The following EXOC4 variants were observed in gnomAD, a reference collection of about 807,000 sequenced individuals.
The protein encoded by EXOC4 is SEC8-like 1.
A neutral mutation model predicts 107.2 loss-of-function variants in EXOC4; 71 were observed. That is an observed-to-expected ratio of 0.66 (90% CI 0.55 to 0.81). EXOC4 has a LOEUF of 0.81. EXOC4 is among the 30% of genes least tolerant of loss of function. The pLI is 0.00. For synonymous variants in EXOC4, 456 were observed against 441.2 expected, an observed-to-expected ratio of 1.03 and a Z score of -0.42; for missense variants, 1,108 against 1,189.6, an observed-to-expected ratio of 0.93 and a Z score of 1.01.
At chr7:133,369,140 G>C (rs1268538953) in intron 6 of EXOC4, among the ~76,000 whole-genome samples, 1 of 152,230 alleles carries the variant, frequency 6.6e-6, no homozygotes, top group African/African-American at 2.4e-5. Flanking sequence ...TGGGCAGTCA[G>C]AGAGTGTATA....
chr7:134,058,704 A>G (rs1479870714), intron 17 of EXOC4, among the ~76,000 whole-genome samples: 1 of 152,178 alleles, frequency 6.6e-6, no homozygotes, highest in Non-Finnish European at 1.5e-5. Context: ...TTTAATTCAT[A>G]TTTGTGTACT....
At chr7:133,480,962 A>C (rs1270642129) in intron 9 of EXOC4, 1 of 150,278 alleles carries the variant, frequency 6.7e-6, no homozygotes, top group African/African-American at 2.4e-5. Flanking sequence ...CTGAGGTGAG[A>C]TTGCTTGAGC....
chr7:133,341,490 A>G (rs1188633352), intron 5 of EXOC4, among the ~76,000 whole-genome samples: 1 of 152,216 alleles, frequency 6.6e-6, no homozygotes, highest in Non-Finnish European at 1.5e-5. Context: ...GTACCAGTGA[A>G]TAGAATGTAT....
intron 11 of EXOC4, among the ~76,000 whole-genome samples, chr7:133,824,339 C>T (rs781758198): frequency 9.2e-5 from 14 of 151,968 alleles, no homozygotes; most frequent in Admixed American, 1.3e-4. Flanking sequence ...CCCTCTCTGC[C>T]CACATTTTCA....
chr7:134,039,223 G>A (rs1242465105), intron 17 of EXOC4, among the ~76,000 whole-genome samples: 2 of 152,166 alleles, frequency 1.3e-5, no homozygotes, highest in Non-Finnish European at 2.9e-5. Context: ...TACGTAAGGA[G>A]TATAGGAGTA....
chr7:133,344,704 A>AT (rs1795745579), intron 5 of EXOC4, among the ~76,000 whole-genome samples: 1 of 152,204 alleles, frequency 6.6e-6, no homozygotes, highest in African/African-American at 2.4e-5. Flanking sequence ...CCATCCCTAT[A>AT]GTCAGCTCTG....
At chr7:133,409,391 A>G (rs571347402) in intron 7 of EXOC4, among the ~76,000 whole-genome samples, 1 of 152,256 alleles carries the variant, frequency 6.6e-6, no homozygotes, top group South Asian at 2.1e-4. Context: ...AGTGATTCCC[A>G]CCTCCACCCT....
intron 5 of EXOC4, among the ~76,000 whole-genome samples, chr7:133,343,714 C>G (rs1450385487): frequency 1.3e-5 from 2 of 151,428 alleles, no homozygotes; most frequent in Non-Finnish European, 2.9e-5. Context: ...CTCATCCTGC[C>G]TATTTCTTTA....
chr7:134,059,411 G>A (rs908431380), intron 17 of EXOC4, among the ~76,000 whole-genome samples: 3 of 152,056 alleles, frequency 2.0e-5, no homozygotes, highest in Non-Finnish European at 4.4e-5. Flanking sequence ...AATACTCAAA[G>A]ATAAAAAGAT....
chr7:133,663,047 T>C (rs1793731624), intron 10 of EXOC4, among the ~76,000 whole-genome samples: 1 of 152,152 alleles, frequency 6.6e-6, no homozygotes, highest in South Asian at 2.1e-4. Flanking sequence ...AGTTTTCCTT[T>C]TCTGTGCAGT....
chr7:133,615,096 G>A (rs1802163749), intron 9 of EXOC4, among the ~76,000 whole-genome samples: 1 of 152,184 alleles, frequency 6.6e-6, no homozygotes, highest in South Asian at 2.1e-4. Flanking sequence ...GCAAACAGTT[G>A]TAAAAGGATT....
chr7:133,783,938 CT>C (rs1796517080), intron 10 of EXOC4, among the ~76,000 whole-genome samples: 1 of 152,088 alleles, frequency 6.6e-6, no homozygotes, highest in African/African-American at 2.4e-5. Flanking sequence ...GTTTGGTTTC[CT>C]TTCTTGGGAC....
At chr7:133,710,193 G>C (rs1383919367) in intron 10 of EXOC4, among the ~76,000 whole-genome samples, 3 of 152,112 alleles carry the variant, frequency 2.0e-5, no homozygotes, top group African/African-American at 7.2e-5. Context: ...CTATCACAGG[G>C]TGGGACAGAC....
chr7:133,781,003 T>C (rs549517388), intron 10 of EXOC4, among the ~76,000 whole-genome samples: 1 of 152,326 alleles, frequency 6.6e-6, no homozygotes, highest in East Asian at 1.9e-4. Context: ...GATAACCTTT[T>C]ATTAGCCTTT....
chr7:133,270,458 G>T (rs549718774), intron 1 of EXOC4, among the ~76,000 whole-genome samples: 16 of 152,204 alleles, frequency 1.1e-4, no homozygotes, highest in African/African-American at 3.1e-4. Context: ...GTGGGCTGCT[G>T]GAAGTCATGG....
chr7:133,792,600 G>A (rs181441699), intron 10 of EXOC4, among the ~76,000 whole-genome samples: 126 of 146,570 alleles, frequency 8.6e-4, no homozygotes, highest in Middle Eastern at 3.7e-3. Flanking sequence ...TACATTGTCC[G>A]TAGAAGGTGA....
chr7:133,605,302 TTATAA>T (rs756616493), intron 9 of EXOC4, among the ~76,000 whole-genome samples: 15 of 152,182 alleles, frequency 9.9e-5, no homozygotes, highest in Non-Finnish European at 1.5e-4. Context: ...GAGATAAAAT[TTATAA>T]TATAATATTT....
At chr7:133,316,948 A>G (rs551656121) in intron 4 of EXOC4, among the ~76,000 whole-genome samples, 1 of 152,320 alleles carries the variant, frequency 6.6e-6, no homozygotes, top group East Asian at 1.9e-4. Flanking sequence ...ACAAAGGAGG[A>G]CAGTGAAATT....
intron 10 of EXOC4, among the ~76,000 whole-genome samples, chr7:133,699,278 C>T (rs1562913627): frequency 6.6e-6 from 1 of 152,136 alleles, no homozygotes; most frequent in South Asian, 2.1e-4. Context: ...CTTTCCTAGA[C>T]TGAGTCAGTG....
Sources: gnomAD v4.1 joint callset for allele counts (sites outside exome capture counted in the v4.1 genomes callset) on GRCh38, gnomAD v4.1.1 for gene constraint, MANE v1.5 for transcripts, NCBI Gene and HGNC (gene_info 2026-07-23, HGNC 2026-07-21) for gene names.